Variants in RB1 observed in about 807,000 individuals in gnomAD.
RB1 encodes retinoblastoma-associated protein.
In RB1, 18 loss-of-function variants were observed where a neutral mutation model predicts 135.4. That is an observed-to-expected ratio of 0.13 (90% confidence interval 0.09 to 0.20). The LOEUF (loss-of-function observed/expected upper bound fraction) is 0.20. Ranked by LOEUF, RB1 falls within the 10% of genes least tolerant of loss-of-function variation. The pLI is 1.00. For synonymous variants in RB1, 365 were observed against 373.2 expected (o/e 0.98, Z 0.25); for missense variants, 868 against 1,110.0 (o/e 0.78, Z 3.10).
chr13:48,431,085 C>G (rs1949125085), intron 17 of RB1, among the ~76,000 whole-genome samples: 1 of 152,082 alleles, frequency 6.6e-6, no homozygotes, highest in Admixed American at 6.5e-5. Flanking sequence ...TGAGTTATAA[C>G]ATTTACAGAA....
chr13:48,356,900 G>A (rs1478066332), intron 6 of RB1, among the ~76,000 whole-genome samples: 2 of 151,990 alleles, frequency 1.3e-5, no homozygotes, highest in East Asian at 1.9e-4. Flanking sequence ...GCTTTGTCAT[G>A]TATTCTATTC....
intron 2 of RB1, among the ~76,000 whole-genome samples, chr13:48,315,582 G>A (rs1952174733): frequency 6.6e-6 from 1 of 152,178 alleles, no homozygotes; most frequent in Admixed American, 6.5e-5. Context: ...GTGAGAGAGA[G>A]CATCCTTATT....
chr13:48,474,410 G>A (rs553804258), intron 24 of RB1, among the ~76,000 whole-genome samples: 26 of 152,206 alleles, frequency 1.7e-4, no homozygotes, highest in Admixed American at 5.2e-4. Context: ...AGGGTTTTAG[G>A]AGCTCTGTCC....
rs751560923 is a variant in RB1, at chr13:48,453,033, G to A, written c.1736G>A (p.Arg579Gln). ...GATCTTATTAAACAATCAAAGGACC[G>A]AGAAGGACCAACTGATCACCTTGAA... Reference protein sequence around the residue: ...LFDLIKQSKDREGPTDHLESA... With the variant: ...LFDLIKQSKDQEGPTDHLESA... Residue 579 changes from arginine (R) to glutamine (Q), a missense_variant, in exon 18 of 27, where the codon CGA becomes CAA. Physicochemically the swap from Arg to Gln is conservative, Grantham distance 43. This residue lies in a region of RB1 where 641 missense variants were observed against 791.3 expected (regional missense o/e 0.81). Coordinates refer to ENST00000267163, the MANE Select transcript of RB1 (RefSeq NM_000321.3). 9.9e-6 allele frequency: 16 copies of A among 1,612,926 alleles called. No individual in the cohort carries two copies. Among genetic ancestry groups the A allele is most frequent in the Middle Eastern group, 1.6e-4 (1 of 6,078 alleles).
intron 26 of RB1, 121 bp from the exon 27 acceptor site, chr13:48,479,877 C>A: frequency 1.4e-6 from 1 of 739,822 alleles, no homozygotes; most frequent in Non-Finnish European, 2.5e-6. Flanking sequence ...AGAATGAAGA[C>A]CACTGCTTTT....
chr13:48,456,321 T>C lies in RB1; in HGVS notation c.1932T>C (p.Ser644=), dbSNP rs2138331538. 6.2e-7 allele frequency: 1 copy of C among 1,614,230 alleles called. No individual in the cohort carries two copies. The highest frequency in any genetic ancestry group is 8.5e-7 in the Non-Finnish European group (1 of 1,180,030). Reference sequence around the variant, plus strand: ...TCCAGACCCAGAAGCCATTGAAATCTACCTCTCTTTCACTGTTTTATAAAA... The same window carrying C: ...TCCAGACCCAGAAGCCATTGAAATCCACCTCTCTTTCACTGTTTTATAAAA... ...SAFQTQKPLK[S]TSLSLFYKKV... Residue 644 remains serine, a synonymous_variant, in exon 19 of 27, where the codon TCT becomes TCC. Transcript: ENST00000267163.
At chr13:48,318,754 TG>T (rs1426404105) in intron 2 of RB1, 3 of 670,784 alleles carry the variant, frequency 4.5e-6, no homozygotes, top group East Asian at 5.7e-5. Context: ...AGGGGGGCCT[TG>T]GGGCCACTGG....
At chr13:48,393,687 G>A (rs1300396474) in intron 17 of RB1, among the ~76,000 whole-genome samples, 1 of 152,090 alleles carries the variant, frequency 6.6e-6, no homozygotes, top group Non-Finnish European at 1.5e-5. Flanking sequence ...AATGCATCAG[G>A]TCTTCTGACT....
chr13:48,303,925 A>G lies in RB1; in HGVS notation c.13A>G (p.Thr5Ala), dbSNP rs898303682. The G allele has an allele frequency of 4.7e-6, 7 of 1,497,518 alleles. No homozygotes were observed. Among genetic ancestry groups the G allele is most frequent in the Non-Finnish European group, 6.2e-6 (7 of 1,129,376 alleles). 92.8% of individuals were successfully genotyped at this position (1,497,518 alleles called of 1,614,324 possible). A position where few individuals can be genotyped will look rare whatever the true frequency, so the allele number is the denominator to read the frequency against. ...GCGGAAAGGCGTCATGCCGCCCAAA[A>G]CCCCCCGAAAAACGGCCGCCACCGC... MPPK[T>A]PRKTAATAAA... is the part of the protein sequence containing the mutation. Residue 5 changes from threonine to alanine, a missense_variant, in exon 1 of 27, where the codon ACC (threonine) becomes GCC (alanine). Transcript: ENST00000267163.
At chr13:48,388,296 C>G (rs1333182046) in intron 17 of RB1, among the ~76,000 whole-genome samples, 1 of 151,944 alleles carries the variant, frequency 6.6e-6, no homozygotes, top group Non-Finnish European at 1.5e-5. Flanking sequence ...AATAAGATAC[C>G]TAGGATTGAA....
At chr13:48,373,854 A>G (rs190775376) in intron 12 of RB1, among the ~76,000 whole-genome samples, 334 of 151,968 alleles carry the variant, frequency 2.2e-3, no homozygotes, top group African/African-American at 7.7e-3. Context: ...TTTTGATCTG[A>G]AATTTTCTTT....
At chr13:48,462,150 G>T (rs888737726) in intron 20 of RB1, among the ~76,000 whole-genome samples, 1 of 144,650 alleles carries the variant, frequency 6.9e-6, no homozygotes, top group African/African-American at 2.6e-5. Flanking sequence ...TTGAGACATG[G>T]TCTTACTCTG....
intron 2 of RB1, among the ~76,000 whole-genome samples, chr13:48,335,397 T>C (rs2138073917): frequency 6.6e-6 from 1 of 152,218 alleles, no homozygotes; most frequent in African/African-American, 2.4e-5. Flanking sequence ...ATATCAAGTG[T>C]ACACATTTAT....
intron 17 of RB1, among the ~76,000 whole-genome samples, chr13:48,443,180 G>A (rs544928147): frequency 8.0e-4 from 121 of 151,324 alleles, no homozygotes; most frequent in African/African-American, 2.8e-3. Context: ...ATAATTTAGC[G>A]AAAGGATTAC....
In RB1 at chr13:48,328,009, C is replaced by T. The variant is rs572277877; in HGVS notation, c.265-14590C>T. The T allele has an allele frequency of 5.1e-5, 34 of 672,092 alleles. No individual in the cohort carries two copies. In the South Asian group the frequency reaches 5.5e-4, roughly 11 times the overall value. 41.6% of individuals were successfully genotyped at this position (672,092 alleles called of 1,614,324 possible). ...AAGTGGCTCCAAAGGTAGTCTTATA[C>T]CATTCTTAAAAAAAGGAAACTGTTC... On this transcript the variant is annotated intron_variant, in intron 2 of 26. Coordinates refer to ENST00000267163, the MANE Select transcript of RB1 (RefSeq NM_000321.3).
chr13:48,357,626 CAGGG>C (rs1475643207), intron 6 of RB1, among the ~76,000 whole-genome samples: 1 of 151,974 alleles, frequency 6.6e-6, no homozygotes, highest in Non-Finnish European at 1.5e-5. Flanking sequence ...CAGGTCTCTA[CAGGG>C]AGGGGTACAC....
chr13:48,445,671 A>G (rs1303989983), intron 17 of RB1, among the ~76,000 whole-genome samples: 3 of 152,086 alleles, frequency 2.0e-5, no homozygotes, highest in Admixed American at 6.6e-5. Context: ...TTTATTCTTC[A>G]TGAGAGAACC....
At chr13:48,381,060 T>C (rs1948531075) in intron 16 of RB1, among the ~76,000 whole-genome samples, 187 bp from the exon 17 acceptor site, 1 of 152,126 alleles carries the variant, frequency 6.6e-6, no homozygotes, top group Non-Finnish European at 1.5e-5. Flanking sequence ...AAAACACAGA[T>C]TTGCTTACAC....
intron 3 of RB1, among the ~76,000 whole-genome samples, chr13:48,344,803 C>T (rs1035295649): frequency 6.6e-6 from 1 of 152,110 alleles, no homozygotes; most frequent in African/African-American, 2.4e-5. Flanking sequence ...TTTTAAAACA[C>T]ATAGACAGAT....
Sources: allele counts gnomAD v4.1 joint callset (sites outside exome capture counted in the v4.1 genomes callset), GRCh38; gene constraint gnomAD v4.1.1; regional missense constraint gnomAD v4.1.1; transcripts MANE v1.5; gene names NCBI Gene and HGNC (gene_info 2026-07-23, HGNC 2026-07-21).